The following DCPS variants were observed in gnomAD, a reference collection of about 807,000 sequenced individuals.
DCPS encodes the protein decapping enzyme, scavenger, also known as m7GpppX diphosphatase.
DCPS carries 27 observed loss-of-function variants against 34.7 expected under a neutral mutation model. That is an observed-to-expected ratio of 0.78 (90% CI 0.57 to 1.07). The LOEUF is 1.07. DCPS is among the 50% of genes least tolerant of loss of function. The pLI, the probability that DCPS is intolerant of heterozygous loss-of-function variation, is 0.00. For synonymous variants in DCPS, 185 were observed against 185.7 expected (o/e 1.00, Z 0.03); for missense variants, 464 against 436.9 (o/e 1.06, Z -0.55).
At position 126,328,379 on chromosome 11, in the gene DCPS, C is replaced by T. The variant is rs1042597869; in HGVS notation, c.377-3026C>T. On this transcript the variant is annotated intron_variant, in intron 2 of 5. Coordinates refer to ENST00000263579, the MANE Select transcript of DCPS (RefSeq NM_014026.6). The surrounding 1 kb of genome is among the most constrained non-coding windows in gnomAD (Gnocchi z 6.6). ...CTTAGGAGTGAGTGCTCTAGGGGGA[C>T]GTGGGGAGCTCTGAGAGTCCTGCAG... 2.6e-5 allele frequency among the ~76,000 whole-genome samples: 4 copies of T among 151,874 alleles called. No individual in the cohort carries two copies. The highest frequency in any genetic ancestry group is 2.0e-4 in the Admixed American group (3 of 15,256).
In DCPS at chr11:126,345,473, G is replaced by A. The variant is rs367641306; in HGVS notation, c.874G>A (p.Val292Met). 42 of 1,614,042 alleles carry A rather than the reference G, an allele frequency of 2.6e-5. No individual in the cohort carries two copies. Among genetic ancestry groups the A allele is most frequent in the East Asian group, 1.6e-4 (7 of 44,902 alleles). The change falls in exon 6 of 6, where the codon GTG becomes ATG. Residue 292 changes from valine (V) to methionine (M), a missense_variant. Coordinates refer to ENST00000263579, the MANE Select transcript of DCPS (RefSeq NM_014026.6). The surrounding 1 kb of genome is among the most constrained non-coding windows in gnomAD (Gnocchi z 7.4). ...GGGCTTCGAGGCCCCCGGCTCAGGC[G>A]TGGAGCGGGCCCACCTGCTGGCTGA... ...ALGFEAPGSG[V>M]ERAHLLAEVI...
chr11:126,348,632 C>T lies in DCPS; in HGVS notation c.*3019C>T, dbSNP rs1212346857. On this transcript the variant is annotated 3_prime_UTR_variant, in exon 6 of 6. Coordinates refer to ENST00000263579, the MANE Select transcript of DCPS (RefSeq NM_014026.6). This position sits in a 1 kb window ranked among gnomAD's most constrained non-coding sequence, Gnocchi z 5.3. ...AGTCTGTCTTTATTAGGGTGACCTTCATATCAGACTCCCAGGTAACTCAAG... is the reference window on the plus strand; with the variant it reads ...AGTCTGTCTTTATTAGGGTGACCTTTATATCAGACTCCCAGGTAACTCAAG... 1.3e-5 allele frequency among the ~76,000 whole-genome samples: 2 copies of T among 152,246 alleles called. No homozygotes were observed. Among genetic ancestry groups the T allele is most frequent in the Non-Finnish European group, 1.5e-5 (1 of 68,044 alleles).
intron 2 of DCPS, among the ~76,000 whole-genome samples, chr11:126,318,900 G>A (rs1306017288): frequency 6.6e-6 from 1 of 152,172 alleles, no homozygotes; most frequent in Non-Finnish European, 1.5e-5. Context: ...CATTTTCCTG[G>A]GGATTTGGCT....
intron 2 of DCPS, among the ~76,000 whole-genome samples, chr11:126,309,705 G>A (rs182797055): frequency 2.8e-4 from 42 of 152,230 alleles, no homozygotes; most frequent in African/African-American, 9.1e-4. Flanking sequence ...AAGTCGCAGC[G>A]GTTTGCTTCA....
Position 126,349,280 on chromosome 11 carries a change from C to G in DCPS, c.*3667C>G, listed in dbSNP as rs1565383566. Among the ~76,000 whole-genome samples, 1 of 152,366 alleles carries G rather than the reference C, an allele frequency of 6.6e-6. No homozygotes were observed. The highest frequency in any genetic ancestry group is 1.9e-4 in the East Asian group (1 of 5,196). Reference sequence around the variant, plus strand: ...TGCCTCATGTGTTGAACTGTGTGCCCTCAGAAGCATGCCATGCCCCCGCTC... The same window carrying G: ...TGCCTCATGTGTTGAACTGTGTGCCGTCAGAAGCATGCCATGCCCCCGCTC... On this transcript the variant is annotated 3_prime_UTR_variant, in exon 6 of 6. Coordinates refer to ENST00000263579, the MANE Select transcript of DCPS (RefSeq NM_014026.6). The surrounding 1 kb of genome is among the most constrained non-coding windows in gnomAD (Gnocchi z 5.4).
rs550953870 is a variant in DCPS, at chr11:126,333,852, G to A, written c.522+2302G>A. 5.1e-4 allele frequency among the ~76,000 whole-genome samples: 77 copies of A among 151,066 alleles called. No homozygotes were observed. Among genetic ancestry groups the A allele is most frequent in the Non-Finnish European group, 9.4e-4 (64 of 67,790 alleles). On this transcript the variant is annotated intron_variant, in intron 3 of 5. Coordinates refer to ENST00000263579, the MANE Select transcript of DCPS (RefSeq NM_014026.6). This position sits in a 1 kb window ranked among gnomAD's most constrained non-coding sequence, Gnocchi z 5.7. ...TCTGCTGAATCTCACGCTTCAGGGA[G>A]TGGAGCTGGGAATTCTCTCTCTCTC...
In DCPS at chr11:126,332,806, C is replaced by T. The variant is rs1306203722; in HGVS notation, c.522+1256C>T. 1.3e-5 allele frequency among the ~76,000 whole-genome samples: 2 copies of T among 152,140 alleles called. No individual in the cohort carries two copies. The highest frequency in any genetic ancestry group is 4.8e-5 in the African/African-American group (2 of 41,426). Reference sequence around the variant, plus strand: ...TTGTTTGTTTGTTTGTTTTTAAAGTCCCAGCACTTGTTCTGTTTTCCAAGT... The same window carrying T: ...TTGTTTGTTTGTTTGTTTTTAAAGTTCCAGCACTTGTTCTGTTTTCCAAGT... On this transcript the variant is annotated intron_variant, in intron 3 of 5. Coordinates refer to ENST00000263579, the MANE Select transcript of DCPS (RefSeq NM_014026.6). This position sits in a 1 kb window ranked among gnomAD's most constrained non-coding sequence, Gnocchi z 5.4.
rs1951747716 is a variant in DCPS at position 126,327,160 on chromosome 11, C to G, written c.377-4245C>G. The stretch of plus-strand genomic sequence containing the variant: ...CCCTCCCCGGATCCCAACCCCGGAT[C>G]TAATCCAATCCCTTTAGTCCCGTCT... On this transcript the variant is annotated intron_variant, in intron 2 of 5. Coordinates refer to ENST00000263579, the MANE Select transcript of DCPS (RefSeq NM_014026.6). The surrounding 1 kb of genome is among the most constrained non-coding windows in gnomAD (Gnocchi z 4.1). 6.6e-6 allele frequency among the ~76,000 whole-genome samples: 1 copy of G among 152,234 alleles called. No individual in the cohort carries two copies. The highest frequency in any genetic ancestry group is 1.5e-5 in the Non-Finnish European group (1 of 68,036).
rs976060060 is a variant in DCPS, at chr11:126,332,780, GTTGTTT to G, written c.522+1231_522+1236del. The stretch of plus-strand genomic sequence containing the variant: ...AGCTGACTTGTTTGTTGTTGTTGTT[GTTGTTT>G]GTTTGTTTGTTTTTAAAGTCCCAGC... On this transcript the variant is annotated intron_variant, in intron 3 of 5. Coordinates refer to ENST00000263579, the MANE Select transcript of DCPS (RefSeq NM_014026.6). This position sits in a 1 kb window ranked among gnomAD's most constrained non-coding sequence, Gnocchi z 5.4. 2.2e-4 allele frequency among the ~76,000 whole-genome samples: 34 copies of G among 151,938 alleles called. No homozygotes were observed. The highest frequency in any genetic ancestry group is 8.2e-4 in the African/African-American group (34 of 41,262).
rs571524938 is a variant in DCPS at position 126,329,529 on chromosome 11, G to A, written c.377-1876G>A. Among the ~76,000 whole-genome samples the A allele has an allele frequency of 1.3e-5, 2 of 152,332 alleles. No individual in the cohort carries two copies. The highest frequency in any genetic ancestry group is 4.1e-4 in the South Asian group (2 of 4,828). On this transcript the variant is annotated intron_variant, in intron 2 of 5. Transcript: ENST00000263579. The surrounding 1 kb of genome is among the most constrained non-coding windows in gnomAD (Gnocchi z 5.0). ...TGCTGCTGTGCCACCCAGAGCTGAGGGCCTGGGATGTTTGATGGGACAGAA... is the reference window on the plus strand; with the variant it reads ...TGCTGCTGTGCCACCCAGAGCTGAGAGCCTGGGATGTTTGATGGGACAGAA...
rs1288612547 is a variant in DCPS at position 126,331,259 on chromosome 11, A to G, written c.377-146A>G. The G allele has an allele frequency of 8.6e-7, 1 of 1,164,354 alleles. No homozygotes were observed. The highest frequency in any genetic ancestry group is 1.4e-5 in the South Asian group (1 of 69,660). The allele number at this position is 1,164,354 out of a possible 1,614,324, so 72.1% of individuals were successfully genotyped here. On this transcript the variant is annotated intron_variant, in intron 2 of 5. Coordinates refer to ENST00000263579, the MANE Select transcript of DCPS (RefSeq NM_014026.6). This position sits in a 1 kb window ranked among gnomAD's most constrained non-coding sequence, Gnocchi z 7.2. Reference sequence around the variant, plus strand: ...GCAGTGGCACAAGGCACTCTGTGGGAGTGGATCTTGGGTGCATGATCCTCT... The same window carrying G: ...GCAGTGGCACAAGGCACTCTGTGGGGGTGGATCTTGGGTGCATGATCCTCT...
rs1829962718 is a variant in DCPS, at chr11:126,345,277, T to G, written c.748-70T>G. 1 of 1,586,530 alleles carries G rather than the reference T, an allele frequency of 6.3e-7. No individual in the cohort carries two copies. Among genetic ancestry groups the G allele is most frequent in the East Asian group, 2.2e-5 (1 of 44,702 alleles). ...CCAGGATTCAGATGGGAGGAGGGTC[T>G]AGGTGGGGACATGGCGCCGGGCCTC... On this transcript the variant is annotated intron_variant, in intron 5 of 5. Transcript: ENST00000263579. This position sits in a 1 kb window ranked among gnomAD's most constrained non-coding sequence, Gnocchi z 7.4.
intron 2 of DCPS, among the ~76,000 whole-genome samples, chr11:126,324,154 A>G (rs986428346): frequency 6.6e-6 from 1 of 152,144 alleles, no homozygotes; most frequent in Non-Finnish European, 1.5e-5. Context: ...TTCTACAGTT[A>G]TTGTATTCAC....
chr11:126,328,784 G>C lies in DCPS; in HGVS notation c.377-2621G>C, dbSNP rs1441904245. 1.3e-5 allele frequency among the ~76,000 whole-genome samples: 2 copies of C among 152,204 alleles called. No individual in the cohort carries two copies. The highest frequency in any genetic ancestry group is 4.8e-5 in the African/African-American group (2 of 41,456). ...CAACCCAGGCAACGGAGGCAACAGC[G>C]GAGAGAATCCAAGCTAGCCTGGGGG... On this transcript the variant is annotated intron_variant, in intron 2 of 5. Transcript: ENST00000263579. This position sits in a 1 kb window ranked among gnomAD's most constrained non-coding sequence, Gnocchi z 6.6.
chr11:126,309,617 C>T (rs1951604529), intron 2 of DCPS, among the ~76,000 whole-genome samples: 1 of 152,004 alleles, frequency 6.6e-6, no homozygotes, highest in Non-Finnish European at 1.5e-5. Flanking sequence ...ATATGGAACC[C>T]ACAATACGGA....
chr11:126,317,574 C>T (rs1301683850), intron 2 of DCPS, among the ~76,000 whole-genome samples: 1 of 152,222 alleles, frequency 6.6e-6, no homozygotes, highest in Admixed American at 6.5e-5. Flanking sequence ...TGCTGATTCA[C>T]ATGAGTTCAC....
In DCPS at chr11:126,317,992, A is replaced by C. The variant is rs1435318354; in HGVS notation, c.376+11248A>C. Among the ~76,000 whole-genome samples, 3 of 152,004 alleles carry C rather than the reference A, an allele frequency of 2.0e-5. No individual in the cohort carries two copies. In the South Asian group the frequency reaches 6.2e-4, roughly 32 times the overall value. ...CCCAGGGCTGCATTTGGAGTTACCA[A>C]ATTTGCTTGTGGGCCAGGAGACCCT... is the stretch of plus-strand genomic sequence containing the variant. On this transcript the variant is annotated intron_variant, in intron 2 of 5. Transcript: ENST00000263579.
chr11:126,321,289 A>C (rs1323156527), intron 2 of DCPS, among the ~76,000 whole-genome samples: 1 of 151,560 alleles, frequency 6.6e-6, no homozygotes, highest in Non-Finnish European at 1.5e-5. Context: ...GAAGGGTGAC[A>C]CACCAGGTCT....
rs1951943020 is a variant in DCPS, at chr11:126,347,363, A to G, written c.*1750A>G. On this transcript the variant is annotated 3_prime_UTR_variant, in exon 6 of 6. Coordinates refer to ENST00000263579, the MANE Select transcript of DCPS (RefSeq NM_014026.6). The surrounding 1 kb of genome is among the most constrained non-coding windows in gnomAD (Gnocchi z 4.2). ...CTCAGCCTCCTGAGTAGCTGGGACT[A>G]CAGGGGTGCGCCCCCATGCCCAGCT... Among the ~76,000 whole-genome samples, 1 of 151,814 alleles carries G rather than the reference A, an allele frequency of 6.6e-6. No homozygotes were observed. The highest frequency in any genetic ancestry group is 1.5e-5 in the Non-Finnish European group (1 of 67,994).
Sources: allele counts gnomAD v4.1 joint callset (sites outside exome capture counted in the v4.1 genomes callset), GRCh38; gene constraint gnomAD v4.1.1; non-coding constraint Gnocchi (gnomAD v3.1); transcripts MANE v1.5; gene names NCBI Gene and HGNC (gene_info 2026-07-23, HGNC 2026-07-21).